Variants in CTNNA2 observed in about 807,000 individuals in gnomAD.
CTNNA2 encodes the protein catenin alpha 2, also known as catenin alpha-2.
CTNNA2 carries 42 observed loss-of-function variants against 101.0 expected under a neutral mutation model. That is an observed-to-expected ratio of 0.42 (90% CI 0.32 to 0.54). CTNNA2 has a LOEUF of 0.54. CTNNA2 is among the 20% of genes least tolerant of loss of function. The probability of loss-of-function intolerance (pLI) is 0.14; values close to 1 mark genes in which losing one functional copy is unlikely to be tolerated. For missense variants in CTNNA2, 871 were observed against 1,223.1 expected (o/e 0.71, Z 4.29); for synonymous variants, 450 against 456.4 (o/e 0.99, Z 0.18).
At chr2:80,107,590 C>G (rs746068701) in intron 7 of CTNNA2, among the ~76,000 whole-genome samples, 8 of 152,334 alleles carry the variant, frequency 5.3e-5, no homozygotes, top group Middle Eastern at 6.8e-3. Context: ...TCTGGGCAAC[C>G]TCATTCTTCT....
chr2:79,494,992 A>G (rs1179380976), intron 4 of CTNNA2, among the ~76,000 whole-genome samples: 2 of 152,094 alleles, frequency 1.3e-5, no homozygotes, highest in Non-Finnish European at 2.9e-5. Flanking sequence ...AGTCCCAGCT[A>G]CTTAGGAGGC....
intron 1 of CTNNA2, among the ~76,000 whole-genome samples, chr2:79,631,186 A>G (rs1679668266): frequency 6.6e-6 from 1 of 152,048 alleles, no homozygotes; most frequent in East Asian, 1.9e-4. Context: ...CTGTGCTCAT[A>G]ATGTTGAACG....
At chr2:80,286,766 A>G (rs1674800169) in intron 7 of CTNNA2, among the ~76,000 whole-genome samples, 1 of 152,182 alleles carries the variant, frequency 6.6e-6, no homozygotes, top group Non-Finnish European at 1.5e-5. Flanking sequence ...TTGCTGTATC[A>G]TTGGAAGACT....
At chr2:80,083,673 A>G (rs2148808673) in intron 7 of CTNNA2, among the ~76,000 whole-genome samples, 1 of 152,296 alleles carries the variant, frequency 6.6e-6, no homozygotes, top group African/African-American at 2.4e-5. Flanking sequence ...CCTTGCTGGA[A>G]TATTCTTACT....
At chr2:79,396,083 GT>G (rs1277833885) in intron 4 of CTNNA2, among the ~76,000 whole-genome samples, 1 of 152,138 alleles carries the variant, frequency 6.6e-6, no homozygotes, top group East Asian at 1.9e-4. Context: ...CCAGTCAAGA[GT>G]TTGTTGTTTT....
At position 79,586,792 on chromosome 2, in the gene CTNNA2, C is replaced by T. The variant is rs528016495; in HGVS notation, c.-5-64760C>T. 4.3e-4 allele frequency among the ~76,000 whole-genome samples: 65 copies of T among 152,062 alleles called. 1 individual carries two copies. Among genetic ancestry groups the T allele is most frequent in the African/African-American group, 4.6e-4 (19 of 41,494 alleles). ...ATCACCTGAGCAGTGTACACTGTAC[C>T]CAATATGTCGTCTTTTATCCCTCAC... On this transcript the variant is annotated intron_variant, in intron 1 of 18. Transcript: ENST00000402739.
chr2:79,377,602 A>G (rs1400004966), intron 4 of CTNNA2, among the ~76,000 whole-genome samples: 1 of 152,126 alleles, frequency 6.6e-6, no homozygotes, highest in African/African-American at 2.4e-5. Context: ...AGCAGAGGGC[A>G]TATTTGTTTG....
At chr2:80,419,655 A>T in intron 9 of CTNNA2, 54 bp downstream of exon 9, 5 of 1,547,074 alleles carry the variant, frequency 3.2e-6, no homozygotes, top group Non-Finnish European at 4.4e-6. Flanking sequence ...CAATCTCTGC[A>T]TATGGCTCTT....
chr2:80,276,576 C>G (rs1308164525), intron 7 of CTNNA2, among the ~76,000 whole-genome samples: 2 of 151,922 alleles, frequency 1.3e-5, no homozygotes, highest in Non-Finnish European at 2.9e-5. Context: ...CTTCAATGTA[C>G]TTTCACTAAT....
intron 2 of CTNNA2, among the ~76,000 whole-genome samples, chr2:79,675,659 GA>G (rs1432409572): frequency 2.6e-5 from 4 of 152,106 alleles, no homozygotes; most frequent in African/African-American, 9.7e-5. Flanking sequence ...TGCTTTTGGG[GA>G]TCCATGGATA....
At chr2:80,359,570 T>A (rs111368144) in intron 7 of CTNNA2, among the ~76,000 whole-genome samples, 4,427 of 152,208 alleles carry the variant, frequency 0.029, 116 homozygotes, top group African/African-American at 0.066. Context: ...CACCTGCCCC[T>A]CTTCCTCCTG....
chr2:79,882,358 T>C (rs1480917345), intron 6 of CTNNA2, among the ~76,000 whole-genome samples: 1 of 152,202 alleles, frequency 6.6e-6, no homozygotes, highest in African/African-American at 2.4e-5. Flanking sequence ...CCCCTCCCCC[T>C]AGGGGCTCAG....
chr2:79,527,318 A>G (rs1256989385), intron 1 of CTNNA2, among the ~76,000 whole-genome samples: 1 of 151,942 alleles, frequency 6.6e-6, no homozygotes, highest in Non-Finnish European at 1.5e-5. Flanking sequence ...ACGAGATCAC[A>G]CCTGCTAGAC....
intron 7 of CTNNA2, among the ~76,000 whole-genome samples, chr2:80,107,644 AC>A (rs1464160451): frequency 6.6e-6 from 1 of 152,226 alleles, no homozygotes; most frequent in African/African-American, 2.4e-5. Context: ...GTGGTGCCCA[AC>A]AAAGGCTGTC....
At chr2:79,396,933 G>C (rs894326248) in intron 4 of CTNNA2, among the ~76,000 whole-genome samples, 2 of 152,062 alleles carry the variant, frequency 1.3e-5, no homozygotes, top group African/African-American at 4.8e-5. Flanking sequence ...TGGTTCTCAA[G>C]CTTAAGTGTA....
chr2:80,523,449 G>GCACC (rs1689749966), intron 9 of CTNNA2, among the ~76,000 whole-genome samples: 1 of 152,210 alleles, frequency 6.6e-6, no homozygotes, highest in Non-Finnish European at 1.5e-5. Flanking sequence ...GTGATTTGGT[G>GCACC]ATAATGTTAG....
At chr2:80,101,294 A>T (rs1450444760) in intron 7 of CTNNA2, among the ~76,000 whole-genome samples, 1 of 152,224 alleles carries the variant, frequency 6.6e-6, no homozygotes, top group African/African-American at 2.4e-5. Context: ...TTGCCAGATG[A>T]CAGGCCCACA....
intron 7 of CTNNA2, among the ~76,000 whole-genome samples, chr2:80,032,002 A>T (rs554108622): frequency 1.3e-5 from 2 of 152,288 alleles, no homozygotes; most frequent in East Asian, 1.9e-4. Flanking sequence ...TGTGTACAAC[A>T]GCATTTTTCT....
chr2:79,404,627 C>T (rs995689408), intron 4 of CTNNA2, among the ~76,000 whole-genome samples: 1 of 151,930 alleles, frequency 6.6e-6, no homozygotes. Context: ...TTCTAAAGTC[C>T]AAAAATTCCT....
Sources: allele counts gnomAD v4.1 joint callset (sites outside exome capture counted in the v4.1 genomes callset), GRCh38; gene constraint gnomAD v4.1.1; transcripts MANE v1.5; gene names NCBI Gene and HGNC (gene_info 2026-07-23, HGNC 2026-07-21).